The following PABIR3 variants were observed in gnomAD, a reference collection of about 807,000 sequenced individuals.
The protein encoded by PABIR3 is PABIR family member 1.
PABIR3 carries 20 observed loss-of-function variants against 23.1 expected under a neutral mutation model. That is an observed-to-expected ratio of 0.86 (90% CI 0.61 to 1.26). The LOEUF (loss-of-function observed/expected upper bound fraction) is 1.26, where lower values mean the gene tolerates loss of function less well. PABIR3 is among the 50% of genes most tolerant of loss of function. The pLI is 0.00. For synonymous variants in PABIR3, 69 were observed against 68.5 expected, an observed-to-expected ratio of 1.01 and a Z score of -0.04; for missense variants, 189 against 195.4, an observed-to-expected ratio of 0.97 and a Z score of 0.20.
downstream of PABIR3, among the ~76,000 whole-genome samples, chrX:134,855,131 T>C (rs1035027714): frequency 9.0e-6 from 1 of 110,740 alleles, no homozygotes; most frequent in African/African-American, 3.3e-5. Context: ...GGAAAAATTA[T>C]GTGTTAAAAA....
intron 4 of PABIR3, chrX:134,835,605 C>G (rs2081949107): frequency 9.0e-6 from 1 of 111,429 alleles, no homozygotes; most frequent in African/African-American, 3.3e-5. Flanking sequence ...AGTTATTATT[C>G]CTACATAGGA....
At chrX:134,862,022 A>G in the PABIR3 span, among the ~76,000 whole-genome samples, 5 of 111,260 alleles carry the variant, frequency 4.5e-5, no homozygotes, top group East Asian at 1.4e-3. Flanking sequence ...CTTGGCAACA[A>G]TGAAGAATGA....
intron 4 of PABIR3, among the ~76,000 whole-genome samples, chrX:134,832,146 G>T (rs754051517): frequency 1.9e-3 from 212 of 109,209 alleles, no homozygotes; most frequent in Non-Finnish European, 3.6e-3. Flanking sequence ...TGCGTGGTGG[G>T]TGCCTGTAAT....
chrX:134,862,381 T>C, the PABIR3 span, among the ~76,000 whole-genome samples: 1,393 of 110,875 alleles, frequency 0.013, 22 homozygotes, highest in African/African-American at 0.044. Context: ...AACTCCTGAC[T>C]TCAGGTGATC....
intron 10 of PABIR3, among the ~76,000 whole-genome samples, chrX:134,853,616 T>C (rs1279541773): frequency 3.0e-5 from 3 of 98,977 alleles, no homozygotes; most frequent in African/African-American, 1.2e-4. Flanking sequence ...GATTTCTTTC[T>C]TTTTTTTTTT....
intron 2 of PABIR3, among the ~76,000 whole-genome samples, chrX:134,812,793 T>C (rs953479347): frequency 1.8e-5 from 2 of 111,205 alleles, no homozygotes; most frequent in African/African-American, 6.5e-5. Flanking sequence ...ATTTTAAGTA[T>C]TATATGTAGA....
downstream of PABIR3, chrX:134,854,964 C>G (rs1336703265): frequency 1.8e-5 from 2 of 111,811 alleles, no homozygotes; most frequent in African/African-American, 6.5e-5. Context: ...ACGTTTTATT[C>G]ATCATCATGA....
At chrX:134,821,695 C>T in intron 3 of PABIR3, 1 of 1,020,692 alleles carries the variant, frequency 9.8e-7, no homozygotes, top group East Asian at 4.7e-5. Context: ...GTATGGCCCA[C>T]AAAGTTGCAA....
intron 3 of PABIR3, among the ~76,000 whole-genome samples, chrX:134,820,885 G>T (rs1008592866): frequency 9.2e-6 from 1 of 108,213 alleles, no homozygotes; most frequent in Non-Finnish European, 1.9e-5. Flanking sequence ...AGCCAGGTCT[G>T]GTGGCACGCG....
the PABIR3 span, among the ~76,000 whole-genome samples, chrX:134,860,195 G>A: frequency 1.8e-5 from 2 of 110,641 alleles, no homozygotes; most frequent in Non-Finnish European, 3.8e-5. Context: ...CAGTTCAAGC[G>A]ATTCTTGTGC....
intron 3 of PABIR3, among the ~76,000 whole-genome samples, chrX:134,828,019 C>CTT (rs1166700812): frequency 7.8e-5 from 4 of 51,113 alleles, no homozygotes; most frequent in Non-Finnish European, 1.5e-4. Context: ...TGCTCTCTCT[C>CTT]TCTCTCTCTC....
At chrX:134,850,985 A>G (rs2082612787) in intron 9 of PABIR3, among the ~76,000 whole-genome samples, 1 of 112,398 alleles carries the variant, frequency 8.9e-6, no homozygotes, top group Admixed American at 9.5e-5. Context: ...AGATAAACAG[A>G]AATTGAAATT....
At chrX:134,852,587 A>G (rs1056439664) in intron 9 of PABIR3, among the ~76,000 whole-genome samples, 1 of 111,043 alleles carries the variant, frequency 9.0e-6, no homozygotes, top group Admixed American at 9.7e-5. Context: ...TACGGTACAA[A>G]CCCAATTTTA....
intron 4 of PABIR3, among the ~76,000 whole-genome samples, chrX:134,836,553 G>A (rs2081981176): frequency 8.9e-6 from 1 of 112,276 alleles, no homozygotes; most frequent in South Asian, 3.7e-4. Context: ...CCCTTGGCTT[G>A]TTGATGGCTA....
intron 3 of PABIR3, among the ~76,000 whole-genome samples, chrX:134,825,083 G>A (rs181530094): frequency 2.7e-5 from 3 of 111,486 alleles, no homozygotes; most frequent in African/African-American, 9.8e-5. Context: ...AGAGCCGGAG[G>A]GGGGTATGTG....
At chrX:134,829,873 GA>G (rs766098733) in intron 4 of PABIR3, among the ~76,000 whole-genome samples, 12 of 112,010 alleles carry the variant, frequency 1.1e-4, no homozygotes, top group African/African-American at 3.9e-4. Flanking sequence ...ATTATCCAAG[GA>G]TTAGCCACAG....
intron 2 of PABIR3, chrX:134,810,121 G>A: frequency 1.3e-6 from 1 of 753,881 alleles, no homozygotes; most frequent in South Asian, 6.7e-5. Flanking sequence ...AGAAGAAATA[G>A]GTTGCAAATA....
chrX:134,862,061 A>C, the PABIR3 span, among the ~76,000 whole-genome samples: 3 of 110,331 alleles, frequency 2.7e-5, no homozygotes, highest in Non-Finnish European at 1.9e-5. Context: ...CTTGACATGG[A>C]AAGATGTTTA....
intron 3 of PABIR3, among the ~76,000 whole-genome samples, chrX:134,826,249 T>G (rs189066022): frequency 1.8e-5 from 2 of 111,623 alleles, no homozygotes; most frequent in East Asian, 5.6e-4. Flanking sequence ...GTATCCTGTC[T>G]TAAAACATGC....
Sources: gnomAD v4.1 joint callset for allele counts (sites outside exome capture counted in the v4.1 genomes callset) on GRCh38, gnomAD v4.1.1 for gene constraint, MANE v1.5 for transcripts, NCBI Gene and HGNC (gene_info 2026-07-23, HGNC 2026-07-21) for gene names.